NRG3: variants seen among roughly 807,000 people sequenced by gnomAD.
NRG3 encodes neuregulin 3, also known as pro-neuregulin-3, membrane-bound isoform.
Under a neutral mutation model 66.9 loss-of-function variants are expected in NRG3, and 31 were observed. The ratio of observed to expected loss-of-function variants is 0.46; its 90% confidence interval spans 0.35 to 0.63. NRG3 has a LOEUF of 0.63. Among genes scored for constraint, NRG3 ranks in the 20% least tolerant of loss-of-function variants. The pLI is 0.00. For missense variants in NRG3, 910 were observed against 878.9 expected (o/e 1.04, Z -0.45); for synonymous variants, 393 against 359.4 (o/e 1.09, Z -1.06).
At chr10:82,469,236 T>C (rs1840993381) in intron 2 of NRG3, among the ~76,000 whole-genome samples, 1 of 152,214 alleles carries the variant, frequency 6.6e-6, no homozygotes, top group Admixed American at 6.5e-5. Context: ...TTTCCTTCAA[T>C]TTCCCCCTGC....
chr10:82,051,073 C>T (rs1057205731), intron 1 of NRG3, among the ~76,000 whole-genome samples: 5 of 152,042 alleles, frequency 3.3e-5, no homozygotes, highest in African/African-American at 1.2e-4. Flanking sequence ...ATCGAGAATT[C>T]TTCAAATTGA....
intron 4 of NRG3, among the ~76,000 whole-genome samples, chr10:82,897,099 A>G (rs1296305893): frequency 1.3e-5 from 2 of 152,232 alleles, no homozygotes; most frequent in Non-Finnish European, 2.9e-5. Context: ...GAACAACAAC[A>G]TGGTTTGAAT....
chr10:82,333,694 C>T (rs554583436), intron 1 of NRG3, among the ~76,000 whole-genome samples: 1 of 152,248 alleles, frequency 6.6e-6, no homozygotes, highest in Admixed American at 6.5e-5. Flanking sequence ...ACTGAGAAAT[C>T]TACAAGGTAC....
intron 4 of NRG3, among the ~76,000 whole-genome samples, chr10:82,942,017 G>C (rs1408363643): frequency 6.6e-6 from 1 of 152,006 alleles, no homozygotes; most frequent in Non-Finnish European, 1.5e-5. Flanking sequence ...GTGTGTGTGT[G>C]TGTGTGTGCT....
chr10:82,427,291 T>A (rs2136289584), intron 2 of NRG3, among the ~76,000 whole-genome samples: 1 of 152,298 alleles, frequency 6.6e-6, no homozygotes, highest in East Asian at 1.9e-4. Context: ...CTATCTTGCA[T>A]CATTCATTAT....
chr10:82,399,480 A>G (rs2086934160), intron 2 of NRG3, among the ~76,000 whole-genome samples: 1 of 152,186 alleles, frequency 6.6e-6, no homozygotes, highest in Non-Finnish European at 1.5e-5. Context: ...GTAGTTGATG[A>G]ACAATAGAAA....
intron 2 of NRG3, among the ~76,000 whole-genome samples, chr10:82,706,128 G>A (rs2484454): frequency 0.92 from 139,454 of 152,092 alleles, 63,984 homozygotes; most frequent in East Asian, 1. Context: ...ACAGCATTTG[G>A]ACTCAACATT....
chr10:82,148,108 A>G (rs1021610542), intron 1 of NRG3, among the ~76,000 whole-genome samples: 1 of 152,198 alleles, frequency 6.6e-6, no homozygotes, highest in African/African-American at 2.4e-5. Flanking sequence ...TGTTGTGATC[A>G]AATTTTCTCC....
chr10:82,831,558 G>T (rs534478532), intron 3 of NRG3, among the ~76,000 whole-genome samples: 1 of 152,296 alleles, frequency 6.6e-6, no homozygotes, highest in East Asian at 1.9e-4. Flanking sequence ...GCTCACGCCT[G>T]TAATCCCAAC....
chr10:82,091,099 T>C (rs549016882), intron 1 of NRG3, among the ~76,000 whole-genome samples: 87 of 152,298 alleles, frequency 5.7e-4, no homozygotes, highest in African/African-American at 2.0e-3. Flanking sequence ...AAAATTTTAT[T>C]TTTTTCTCTT....
chr10:82,298,938 C>T (rs924693321), intron 1 of NRG3, among the ~76,000 whole-genome samples: 2 of 152,130 alleles, frequency 1.3e-5, no homozygotes, highest in African/African-American at 4.8e-5. Flanking sequence ...GAGGTCGGCT[C>T]CTCAAGGAGT....
chr10:82,574,712 A>G (rs567917417), intron 2 of NRG3, among the ~76,000 whole-genome samples: 26 of 151,934 alleles, frequency 1.7e-4, no homozygotes, highest in African/African-American at 5.8e-4. Flanking sequence ...ATGCAATACT[A>G]TTCAGCCTTA....
At chr10:82,020,323 T>C (rs1291103142) in intron 1 of NRG3, among the ~76,000 whole-genome samples, 1 of 152,140 alleles carries the variant, frequency 6.6e-6, no homozygotes, top group Non-Finnish European at 1.5e-5. Context: ...TTTAATTCCT[T>C]GAAGAGTCTC....
chr10:82,867,192 C>T (rs1840839018), intron 4 of NRG3, among the ~76,000 whole-genome samples: 1 of 152,112 alleles, frequency 6.6e-6, no homozygotes, highest in Non-Finnish European at 1.5e-5. Flanking sequence ...TTTAAGGTAG[C>T]AAATGACTAG....
intron 2 of NRG3, among the ~76,000 whole-genome samples, chr10:82,593,262 C>G (rs2047084696): frequency 6.6e-6 from 1 of 152,080 alleles, no homozygotes; most frequent in Admixed American, 6.5e-5. Flanking sequence ...ATTTGTTGCC[C>G]CATGGGGCTG....
chr10:81,875,400 G>C lies in NRG3; in HGVS notation c.60G>C (p.Ser20=). The change falls in exon 1 of 9, where the codon TCG becomes TCC. Residue 20 remains serine (S), a synonymous_variant. Transcript: ENST00000372141. The surrounding 1 kb of genome is among the most constrained non-coding windows in gnomAD (Gnocchi z 5.3). ...PPGAASAAAA[S]AEEGTAAAAA... ...GTGCCGCTTCGGCAGCCGCCGCCTCGGCCGAGGAGGGCACCGCGGCGGCTG... is the reference window on the plus strand; with the variant it reads ...GTGCCGCTTCGGCAGCCGCCGCCTCCGCCGAGGAGGGCACCGCGGCGGCTG... 8.9e-6 allele frequency: 9 copies of C among 1,007,238 alleles called. No homozygotes were observed. The highest frequency in any genetic ancestry group is 1.1e-5 in the Non-Finnish European group (9 of 846,188). 62.4% of individuals were successfully genotyped at this position (1,007,238 alleles called of 1,614,324 possible).
chr10:82,534,279 T>C (rs1847600241), intron 2 of NRG3, among the ~76,000 whole-genome samples: 1 of 151,916 alleles, frequency 6.6e-6, no homozygotes, highest in Non-Finnish European at 1.5e-5. Flanking sequence ...TTTTTTTTTT[T>C]GAGACAGAGT....
chr10:81,949,436 C>T (rs971841746), intron 1 of NRG3, among the ~76,000 whole-genome samples: 3 of 151,892 alleles, frequency 2.0e-5, no homozygotes, highest in Non-Finnish European at 2.9e-5. Flanking sequence ...AATGTGCAGC[C>T]CTGCTTAAGG....
intron 2 of NRG3, among the ~76,000 whole-genome samples, chr10:82,557,953 TAC>T (rs1207698679): frequency 2.6e-5 from 4 of 152,106 alleles, no homozygotes; most frequent in African/African-American, 9.7e-5. Context: ...CAACACTCGC[TAC>T]ATTACAAGGT....
Sources: allele counts gnomAD v4.1 joint callset (sites outside exome capture counted in the v4.1 genomes callset), GRCh38; gene constraint gnomAD v4.1.1; non-coding constraint Gnocchi (gnomAD v3.1); transcripts MANE v1.5; gene names NCBI Gene and HGNC (gene_info 2026-07-23, HGNC 2026-07-21).